CADM1: variants seen among roughly 807,000 people sequenced by gnomAD.
CADM1 encodes the protein TSLC-1.
In CADM1, 15 loss-of-function variants were observed where a neutral mutation model predicts 53.1. The ratio of observed to expected loss-of-function variants is 0.28; its 90% CI spans 0.19 to 0.44. The LOEUF (loss-of-function observed/expected upper bound fraction) is 0.44. CADM1 is among the 20% of genes least tolerant of loss of function. The probability of loss-of-function intolerance (pLI) is 1.00; values close to 1 mark genes in which losing one functional copy is unlikely to be tolerated. For synonymous variants in CADM1, 281 were observed against 243.0 expected, an observed-to-expected ratio of 1.16 and a Z score of -1.45; for missense variants, 434 against 611.3, an observed-to-expected ratio of 0.71 and a Z score of 3.06.
At chr11:115,209,420 A>T (rs1057249700) in intron 8 of CADM1, among the ~76,000 whole-genome samples, 154 bp downstream of exon 8, 1 of 152,222 alleles carries the variant, frequency 6.6e-6, no homozygotes, top group Non-Finnish European at 1.5e-5. Flanking sequence ...TTAAGATTCA[A>T]CTTAAGAACA....
chr11:115,317,621 G>C (rs969490826), intron 1 of CADM1, among the ~76,000 whole-genome samples: 3 of 152,120 alleles, frequency 2.0e-5, no homozygotes, highest in African/African-American at 7.2e-5. Context: ...ATCATCAACT[G>C]CAAAGGATAT....
At chr11:115,327,468 A>T (rs1417433336) in intron 1 of CADM1, among the ~76,000 whole-genome samples, 1 of 152,184 alleles carries the variant, frequency 6.6e-6, no homozygotes, top group Non-Finnish European at 1.5e-5. Flanking sequence ...GCAAGGATTC[A>T]TTCATCCAGA....
chr11:115,411,304 T>C (rs1947454717), intron 1 of CADM1, among the ~76,000 whole-genome samples: 1 of 152,222 alleles, frequency 6.6e-6, no homozygotes, highest in South Asian at 2.1e-4. Flanking sequence ...TGATTCTCTT[T>C]CCTGAACATT....
At chr11:115,388,152 T>C (rs1946745765) in intron 1 of CADM1, among the ~76,000 whole-genome samples, 1 of 152,028 alleles carries the variant, frequency 6.6e-6, no homozygotes, top group Non-Finnish European at 1.5e-5. Flanking sequence ...TAGTGAACTA[T>C]ACACCACTAA....
At chr11:115,486,460 C>T (rs1808393040) in intron 1 of CADM1, among the ~76,000 whole-genome samples, 1 of 152,064 alleles carries the variant, frequency 6.6e-6, no homozygotes, top group Admixed American at 6.5e-5. Context: ...AAGCAATCCT[C>T]CCACCTCAGC....
At chr11:115,217,022 A>T (rs533017033) in intron 6 of CADM1, among the ~76,000 whole-genome samples, 47 of 152,318 alleles carry the variant, frequency 3.1e-4, no homozygotes, top group African/African-American at 9.6e-4. Flanking sequence ...GTACCACTAA[A>T]GTTTGAGCGT....
chr11:115,333,873 C>A (rs577714140), intron 1 of CADM1, among the ~76,000 whole-genome samples: 62 of 152,222 alleles, frequency 4.1e-4, no homozygotes, highest in South Asian at 1.5e-3. Context: ...TAGAAAAGAA[C>A]AGGTTATTTT....
At chr11:115,327,441 A>G (rs553148086) in intron 1 of CADM1, among the ~76,000 whole-genome samples, 1 of 152,210 alleles carries the variant, frequency 6.6e-6, no homozygotes, top group South Asian at 2.1e-4. Context: ...GCTTTTTCAT[A>G]TACAAATCTT....
At chr11:115,256,144 C>T (rs1942780015) in intron 1 of CADM1, among the ~76,000 whole-genome samples, 1 of 152,186 alleles carries the variant, frequency 6.6e-6, no homozygotes, top group African/African-American at 2.4e-5. Flanking sequence ...AAAGAGGCTG[C>T]AGAGGTTTGT....
chr11:115,477,873 T>C (rs1045882828), intron 1 of CADM1, among the ~76,000 whole-genome samples: 7 of 152,136 alleles, frequency 4.6e-5, no homozygotes, highest in African/African-American at 7.2e-5. Flanking sequence ...ATCTAGAAAA[T>C]TGCATCCAGA....
chr11:115,270,239 A>G (rs1405898996), intron 1 of CADM1, among the ~76,000 whole-genome samples: 1 of 152,210 alleles, frequency 6.6e-6, no homozygotes, highest in African/African-American at 2.4e-5. Flanking sequence ...CCTAAAGGGC[A>G]ACATATTTAT....
At chr11:115,441,422 T>C (rs1471349672) in intron 1 of CADM1, among the ~76,000 whole-genome samples, 2 of 152,192 alleles carry the variant, frequency 1.3e-5, no homozygotes, top group African/African-American at 2.4e-5. Context: ...GTTTCACCTC[T>C]ACCCAAGACA....
chr11:115,338,535 T>C (rs1945327510), intron 1 of CADM1, among the ~76,000 whole-genome samples: 1 of 152,164 alleles, frequency 6.6e-6, no homozygotes, highest in Non-Finnish European at 1.5e-5. Flanking sequence ...AAATAGATTA[T>C]AAATCCTTGA....
chr11:115,220,079 A>T (rs1227045304), intron 5 of CADM1, among the ~76,000 whole-genome samples: 1 of 152,134 alleles, frequency 6.6e-6, no homozygotes, highest in Non-Finnish European at 1.5e-5. Context: ...CAGAAAGGCT[A>T]CGTTTTTCAT....
intron 1 of CADM1, among the ~76,000 whole-genome samples, chr11:115,251,247 C>T (rs1254069825): frequency 3.9e-5 from 6 of 152,320 alleles, no homozygotes; most frequent in South Asian, 2.1e-4. Context: ...TGACAGTCTA[C>T]GTGGCTGAAA....
At chr11:115,300,296 T>C (rs1232774870) in intron 1 of CADM1, among the ~76,000 whole-genome samples, 1 of 152,128 alleles carries the variant, frequency 6.6e-6, no homozygotes, top group Admixed American at 6.5e-5. Flanking sequence ...GAATGGTAAC[T>C]ACAAATAGAA....
chr11:115,393,933 T>C (rs1946916325), intron 1 of CADM1, among the ~76,000 whole-genome samples: 1 of 152,086 alleles, frequency 6.6e-6, no homozygotes. Flanking sequence ...AAGGCTGAAT[T>C]TATTGAAGAA....
rs1309111266 is a variant in CADM1, at chr11:115,449,025, G to C, written c.124+55246C>G. ...CTCGCCTAATTACCAATTTAACAAG[G>C]AGCAGAGACCAAGAGGGAAAAAATA... On this transcript the variant is annotated intron_variant, in intron 1 of 11. Coordinates refer to ENST00000331581, the MANE Select transcript of CADM1 (RefSeq NM_001301043.2). Among the ~76,000 whole-genome samples the C allele has an allele frequency of 3.3e-5, 5 of 152,068 alleles. No individual in the cohort carries two copies. The South Asian group carries it at 6.2e-4, about 19-fold the overall frequency.
chr11:115,169,551 G>A lies in CADM1; in HGVS notation c.*6923C>T, dbSNP rs1348304210. The A allele has an allele frequency of 8.8e-6, 4 of 454,582 alleles. No homozygotes were observed. The East Asian group carries it at 2.8e-4, about 32-fold the overall frequency. The allele number at this position is 454,582 out of a possible 1,614,324, so 28.2% of individuals were successfully genotyped here. ...TCCCTTCCTTGTCCAAACGATAAAA[G>A]ATTCATGTTCCTAATTGCAACACTA... On this transcript the variant is annotated 3_prime_UTR_variant, in exon 12 of 12. Transcript: ENST00000331581.
Sources: allele counts gnomAD v4.1 joint callset (sites outside exome capture counted in the v4.1 genomes callset), GRCh38; gene constraint gnomAD v4.1.1; transcripts MANE v1.5; gene names NCBI Gene and HGNC (gene_info 2026-07-23, HGNC 2026-07-21).